ESRRB: variants seen among roughly 807,000 people sequenced by gnomAD.
The protein encoded by ESRRB is estrogen related receptor beta, also known as steroid hormone receptor ERR2.
Under a neutral mutation model 46.0 loss-of-function variants are expected in ESRRB, and 16 were observed. The observed-to-expected ratio is 0.35, with a 90% CI of 0.24 to 0.53. The LOEUF is 0.53. Ranked by LOEUF, ESRRB falls within the 20% of genes least tolerant of loss-of-function variation. The pLI is 0.93. For synonymous variants in ESRRB, 246 were observed against 259.6 expected (o/e 0.95, Z 0.50); for missense variants, 488 against 607.4 (o/e 0.80, Z 2.07).
chr14:76,456,651 G>T (rs1244649724), intron 2 of ESRRB, among the ~76,000 whole-genome samples: 1 of 152,206 alleles, frequency 6.6e-6, no homozygotes, highest in Non-Finnish European at 1.5e-5. Context: ...GGAACAGGCT[G>T]GATGAGGATG....
intron 1 of ESRRB, among the ~76,000 whole-genome samples, chr14:76,317,004 G>A (rs1238507942): frequency 6.6e-6 from 1 of 152,086 alleles, no homozygotes; most frequent in Admixed American, 6.5e-5. Context: ...GGTCCCGGGT[G>A]GTACACATGA....
At chr14:76,407,466 C>T in intron 1 of ESRRB, 1 of 894,024 alleles carries the variant, frequency 1.1e-6, no homozygotes, top group Non-Finnish European at 1.3e-6. Context: ...AATCCTCTGA[C>T]CTTGACTTTG....
intron 1 of ESRRB, among the ~76,000 whole-genome samples, chr14:76,415,510 A>C (rs78641995): frequency 0.055 from 8,383 of 152,180 alleles, 722 homozygotes; most frequent in African/African-American, 0.19. Context: ...AAATACAAAA[A>C]TTAGCCAGGC....
rs72731688 is a variant in ESRRB at position 76,499,253 on chromosome 14, C to T, written c.*795C>T. 0.22 allele frequency: 55,173 copies of T among 248,980 alleles called. 6,553 individuals are homozygous for T. The highest frequency in any genetic ancestry group is 0.39 in the South Asian group (7,397 of 18,846). The allele number at this position is 248,980 out of a possible 1,614,324, so 15.4% of individuals were successfully genotyped here. A position where few individuals can be genotyped will look rare whatever the true frequency, so the allele number is the denominator to read the frequency against. ...TCCAGGGGCTGTAGACAGGAACGCGCTGGCACAGAGAAGAGCGGGGACCAC... is the reference window on the plus strand; with the variant it reads ...TCCAGGGGCTGTAGACAGGAACGCGTTGGCACAGAGAAGAGCGGGGACCAC... On this transcript the variant is annotated 3_prime_UTR_variant, in exon 7 of 7. Coordinates refer to ENST00000644823, the MANE Select transcript of ESRRB (RefSeq NM_001379180.1).
intron 2 of ESRRB, among the ~76,000 whole-genome samples, chr14:76,449,569 A>G (rs112844740): frequency 6.6e-6 from 1 of 151,506 alleles, no homozygotes; most frequent in Non-Finnish European, 1.5e-5. Flanking sequence ...AAGAAAAAAA[A>G]GTTTGTTTTT....
Position 76,501,076 on chromosome 14 carries a change from G to A in ESRRB, c.*2618G>A. On this transcript the variant is annotated 3_prime_UTR_variant, in exon 7 of 7. Coordinates refer to ENST00000644823, the MANE Select transcript of ESRRB (RefSeq NM_001379180.1). ...ACTTAGTGGAAGGTGGTGAAGTGAG[G>A]AGAGTTTAGGGGAACCTTCCCCCAG... 2.8e-6 allele frequency: 1 copy of A among 350,896 alleles called. No homozygotes were observed. The highest frequency in any genetic ancestry group is 5.3e-6 in the Non-Finnish European group (1 of 188,264). The allele number at this position is 350,896 out of a possible 1,614,324, so 21.7% of individuals were successfully genotyped here.
chr14:76,342,132 C>T (rs578097809), intron 1 of ESRRB, among the ~76,000 whole-genome samples: 1 of 152,224 alleles, frequency 6.6e-6, no homozygotes, highest in African/African-American at 2.4e-5. Flanking sequence ...GACATCAGAG[C>T]GTATTTGGGG....
At chr14:76,382,431 G>A (rs566740189) in intron 1 of ESRRB, among the ~76,000 whole-genome samples, 1 of 152,184 alleles carries the variant, frequency 6.6e-6, no homozygotes, top group Non-Finnish European at 1.5e-5. Context: ...TTTCTGGCCT[G>A]GGTAGGGGTG....
At chr14:76,333,745 C>T (rs969557360) in intron 1 of ESRRB, among the ~76,000 whole-genome samples, 12 of 151,786 alleles carry the variant, frequency 7.9e-5, no homozygotes, top group South Asian at 2.1e-4. Flanking sequence ...AAATTATCAC[C>T]GAAATACTTT....
At position 76,360,393 on chromosome 14, in the gene ESRRB, AGGAGAG is replaced by A. The variant is rs150830782; in HGVS notation, c.2+49490_2+49495del. On this transcript the variant is annotated intron_variant, in intron 1 of 6. Transcript: ENST00000512784. The stretch of plus-strand genomic sequence containing the variant: ...GTTAGTTGTAGACAGGTGAACTGGA[AGGAGAG>A]GGAGAGGGAGAGAGAGAGACAGAGA... Among the ~76,000 whole-genome samples, 1,093 of 152,094 alleles carry A rather than the reference AGGAGAG, an allele frequency of 7.2e-3. 34 individuals are homozygous for A. Among genetic ancestry groups the A allele is most frequent in the East Asian group, 0.056 (286 of 5,148 alleles).
intron 6 of ESRRB, among the ~76,000 whole-genome samples, chr14:76,496,785 G>A (rs1489449514): frequency 3.9e-5 from 6 of 152,094 alleles, no homozygotes; most frequent in Non-Finnish European, 8.8e-5. Context: ...CTGACGCTGG[G>A]CAGAAGTGCC....
chr14:76,363,045 C>T (rs1229166562), intron 1 of ESRRB, among the ~76,000 whole-genome samples: 1 of 152,182 alleles, frequency 6.6e-6, no homozygotes, highest in Admixed American at 6.5e-5. Flanking sequence ...CATAAAGACC[C>T]ATCCTCTACC....
intron 1 of ESRRB, among the ~76,000 whole-genome samples, chr14:76,399,545 T>G (rs1260721264): frequency 1.3e-5 from 2 of 152,158 alleles, no homozygotes; most frequent in African/African-American, 4.8e-5. Context: ...CTCCTTCCAT[T>G]CCGGGTGGAT....
chr14:76,460,997 G>A (rs4570763), intron 2 of ESRRB, among the ~76,000 whole-genome samples: 21,553 of 151,694 alleles, frequency 0.14, 2,480 homozygotes, highest in African/African-American at 0.33. Context: ...GAGCCACTGC[G>A]CCCGGCCACT....
chr14:76,333,449 G>GATA (rs1566854142), intron 1 of ESRRB, among the ~76,000 whole-genome samples: 1 of 46,250 alleles, frequency 2.2e-5, no homozygotes, highest in African/African-American at 1.1e-4. Flanking sequence ...TGATATATAA[G>GATA]TATATCATAT....
chr14:76,469,944 CTTTTTTT>C (rs1178018542), intron 3 of ESRRB, among the ~76,000 whole-genome samples: 1,112 of 73,010 alleles, frequency 0.015, 6 homozygotes, highest in African/African-American at 0.051. Flanking sequence ...TTTTTTTTTT[CTTTTTTT>C]TTTTTTTTTT....
intron 2 of ESRRB, among the ~76,000 whole-genome samples, chr14:76,449,138 C>CT (rs1187273076): frequency 2.0e-5 from 3 of 152,090 alleles, no homozygotes; most frequent in East Asian, 1.9e-4. Flanking sequence ...AAGGGGAGTT[C>CT]TTTTTTTATT....
chr14:76,352,485 C>T (rs1238353376), intron 1 of ESRRB, among the ~76,000 whole-genome samples: 1 of 152,204 alleles, frequency 6.6e-6, no homozygotes, highest in Non-Finnish European at 1.5e-5. Context: ...GATCAAGCCT[C>T]AAGCGGACCT....
At chr14:76,356,987 C>T (rs554383291) in intron 1 of ESRRB, among the ~76,000 whole-genome samples, 1 of 152,340 alleles carries the variant, frequency 6.6e-6, no homozygotes, top group African/African-American at 2.4e-5. Flanking sequence ...GACTCTCTCC[C>T]TGAACCCCCT....
Sources: allele counts gnomAD v4.1 joint callset (sites outside exome capture counted in the v4.1 genomes callset), GRCh38; gene constraint gnomAD v4.1.1; transcripts MANE v1.5; gene names NCBI Gene and HGNC (gene_info 2026-07-23, HGNC 2026-07-21).